Variants in NLRP1 observed in about 807,000 individuals in gnomAD.
The protein encoded by NLRP1 is NLR family pyrin domain containing 1, also known as NACHT, LRR and PYD domains-containing protein 1.
Under a neutral mutation model 136.7 loss-of-function variants are expected in NLRP1, and 94 were observed. The ratio of observed to expected loss-of-function variants is 0.69; its 90% CI spans 0.58 to 0.82. The LOEUF is 0.82. NLRP1 is among the 40% of genes least tolerant of loss of function. The pLI, the probability that NLRP1 is intolerant of heterozygous loss-of-function variation, is 0.00. For missense variants in NLRP1, 1,575 were observed against 1,802.7 expected, an observed-to-expected ratio of 0.87 and a Z score of 2.29; for synonymous variants, 690 against 725.1, an observed-to-expected ratio of 0.95 and a Z score of 0.78.
intron 11 of NLRP1, among the ~76,000 whole-genome samples, chr17:5,532,009 G>A (rs767351260): frequency 3.9e-5 from 6 of 152,212 alleles, no homozygotes; most frequent in Non-Finnish European, 7.3e-5. Context: ...TTGGGAGGCT[G>A]AGGAAGGTGG....
In NLRP1 at chr17:5,517,721, T is replaced by C. The variant is rs7223953; in HGVS notation, c.4057+25A>G. On this transcript the variant is annotated intron_variant, in intron 15 of 16. Transcript: ENST00000572272. ...TTTTCTTTCTCCTCCCACCTCTGAG[T>C]TCTCTGGAATTGTCCTGGATTTACC... 1.2e-3 allele frequency: 1,942 copies of C among 1,613,644 alleles called. 22 individuals are homozygous for C. The African/African-American group carries it at 0.024, about 20-fold the overall frequency.
chr17:5,533,551 GTTTTTTT>G (rs35006823), intron 9 of NLRP1, among the ~76,000 whole-genome samples, 167 bp from the exon 10 acceptor site: 4 of 90,030 alleles, frequency 4.4e-5, no homozygotes, highest in African/African-American at 1.8e-4. Flanking sequence ...GTGAGACTCT[GTTTTTTT>G]TTTTTTTTTT....
intron 4 of NLRP1, among the ~76,000 whole-genome samples, chr17:5,556,040 G>A (rs568654986): frequency 6.6e-6 from 1 of 152,028 alleles, no homozygotes; most frequent in East Asian, 1.9e-4. Flanking sequence ...GTTGCAGTGA[G>A]CAGAGATCGT....
At position 5,515,076 on chromosome 17, in the gene NLRP1, G is replaced by A; in HGVS notation, c.4103-3C>T. ...GGCATCCAGAGGTGAAGGTACGGCT[G>A]GCAACGAACAAAGAAGGGCTCCAAC... On this transcript the variant is annotated splice_polypyrimidine_tract_variant and splice_region_variant and intron_variant, in intron 16 of 16. Transcript: ENST00000572272. 1 of 1,612,900 alleles carries A rather than the reference G, an allele frequency of 6.2e-7. No individual in the cohort carries two copies. Among genetic ancestry groups the A allele is most frequent in the Non-Finnish European group, 8.5e-7 (1 of 1,179,292 alleles).
intron 5 of NLRP1, among the ~76,000 whole-genome samples, chr17:5,547,637 G>A (rs1405481581): frequency 6.6e-6 from 1 of 152,208 alleles, no homozygotes; most frequent in African/African-American, 2.4e-5. Context: ...TTGAAGATTG[G>A]TGTCTTCCTA....
chr17:5,531,447 G>A (rs1021032218), intron 11 of NLRP1, among the ~76,000 whole-genome samples: 1 of 152,104 alleles, frequency 6.6e-6, no homozygotes, highest in Admixed American at 6.6e-5. Context: ...TTGAACTCCT[G>A]GACTCAAGTG....
At chr17:5,542,152 C>G (rs1367096267) in intron 5 of NLRP1, 125 bp from the exon 6 acceptor site, 4 of 815,502 alleles carry the variant, frequency 4.9e-6, no homozygotes, top group Non-Finnish European at 7.6e-6. Context: ...CTAGAAAACC[C>G]TCCCAGGCCC....
chr17:5,530,789 G>A (rs1910139215), intron 11 of NLRP1, 85 bp from the exon 12 acceptor site: 2 of 1,028,380 alleles, frequency 1.9e-6, no homozygotes, highest in Non-Finnish European at 3.0e-6. Context: ...AGGGGCTTGC[G>A]GATACGGTAC....
downstream of NLRP1, chr17:5,511,942 A>G (rs543335270): frequency 1.9e-3 from 770 of 415,018 alleles, 1 homozygote; most frequent in Non-Finnish European, 2.7e-3. Context: ...TATTTACAGT[A>G]TAGTCCTGGC....
rs140677797 is a variant in NLRP1 at position 5,558,406 on chromosome 17, C to T, written c.2290G>A (p.Val764Met). Reference sequence around the variant, plus strand: ...CCCTCAATCAGCTGAAGCTTCTTCACGTGGCGGCTGAATTTAATGCAGAAA... The same window carrying T: ...CCCTCAATCAGCTGAAGCTTCTTCATGTGGCGGCTGAATTTAATGCAGAAA... ...CTFCIKFSRH[V>M]KKLQLIEGRQ... The change falls in exon 4 of 17, where the codon GTG becomes ATG. Residue 764 changes from valine to methionine, a missense_variant. Coordinates refer to ENST00000572272, the MANE Select transcript of NLRP1 (RefSeq NM_033004.4). The T allele has an allele frequency of 6.9e-5, 111 of 1,614,082 alleles. No individual in the cohort carries two copies. Among genetic ancestry groups the T allele is most frequent in the African/African-American group, 2.3e-4 (17 of 74,996 alleles).
chr17:5,548,446 T>G (rs1912945692), intron 5 of NLRP1, among the ~76,000 whole-genome samples: 2 of 152,198 alleles, frequency 1.3e-5, no homozygotes, highest in Admixed American at 6.5e-5. Context: ...TCTTGTGTCT[T>G]TTATCACTCC....
Position 5,539,697 on chromosome 17 carries a change from T to C in NLRP1, c.2700-112A>G, listed in dbSNP as rs556949694. On this transcript the variant is annotated intron_variant, in intron 6 of 16. Transcript: ENST00000572272. ...TCTGTGGCCTTTTGAGGGTCTGGGA[T>C]GACATGCAGAGAAGATACAAACTTT... 74 of 1,417,616 alleles carry C rather than the reference T, an allele frequency of 5.2e-5. No homozygotes were observed. The African/African-American group carries it at 9.3e-4, about 18-fold the overall frequency. The allele number at this position is 1,417,616 out of a possible 1,614,324, so 87.8% of individuals were successfully genotyped here.
Position 5,542,915 on chromosome 17 carries a change from C to T in NLRP1, c.2529-888G>A, listed in dbSNP as rs192974309. On this transcript the variant is annotated intron_variant, in intron 5 of 16. Coordinates refer to ENST00000572272, the MANE Select transcript of NLRP1 (RefSeq NM_033004.4). ...CGTGATCTCGGCTCACTGCAACCTC[C>T]GCGCCCTGGGTTCAAGTGATTCTCC... is the stretch of plus-strand genomic sequence containing the variant. Among the ~76,000 whole-genome samples the T allele has an allele frequency of 2.8e-3, 423 of 152,202 alleles. 3 individuals carry two copies. The highest frequency in any genetic ancestry group is 9.2e-3 in the African/African-American group (382 of 41,530).
chr17:5,575,034 G>A (rs1904868819), intron 3 of NLRP1, among the ~76,000 whole-genome samples: 1 of 152,092 alleles, frequency 6.6e-6, no homozygotes, highest in Admixed American at 6.6e-5. Flanking sequence ...AGCTTCATAA[G>A]TGAAGGAGAA....
chr17:5,503,030 G>T (rs1420176123), intron 15 of NLRP1: 3 of 152,242 alleles, frequency 2.0e-5, no homozygotes, highest in African/African-American at 7.3e-5. Flanking sequence ...GGGTGAAATG[G>T]AATTGTGTGA....
At chr17:5,582,585 T>G in intron 2 of NLRP1, 85 bp downstream of exon 2, 1 of 1,308,736 alleles carries the variant, frequency 7.6e-7, no homozygotes, top group South Asian at 1.3e-5. Context: ...CAGGTCCCCA[T>G]GCACAGACAT....
Position 5,561,426 on chromosome 17 carries a change from G to GTTTT in NLRP1, c.653-1387_653-1384dup, listed in dbSNP as rs61194384. 3.2e-4 allele frequency among the ~76,000 whole-genome samples: 16 copies of GTTTT among 50,408 alleles called. 2 individuals are homozygous for GTTTT. Among genetic ancestry groups the GTTTT allele is most frequent in the African/African-American group, 1.1e-3 (12 of 10,812 alleles). 33.1% of individuals were successfully genotyped at this position (50,408 alleles called of 152,430 possible). On this transcript the variant is annotated intron_variant, in intron 3 of 16. Transcript: ENST00000572272. ...GATAGATCAAAAAGCATGCCATGTG[G>GTTTT]TTTTTTTTTTTTTTTTTTTTTTTTT...
chr17:5,559,501 G>C lies in NLRP1; in HGVS notation c.1195C>G (p.Leu399Val). The change falls in exon 4 of 17, where the codon CTG (leucine) becomes GTG (valine). Residue 399 changes from leucine (L) to valine (V), a missense_variant. Leu to Val is a conservative substitution (Grantham distance 32). Coordinates refer to ENST00000572272, the MANE Select transcript of NLRP1 (RefSeq NM_033004.4). ...TATPAPIRQI[L>V]SRPERLLFIL... is the part of the protein sequence containing the mutation. ...AAGAGCAGCCGCTCTGGCCTAGACAGGATCTGTCTAATGGGAGCCGGAGTG... is the reference window on the plus strand; with the variant it reads ...AAGAGCAGCCGCTCTGGCCTAGACACGATCTGTCTAATGGGAGCCGGAGTG... 1 of 1,614,224 alleles carries C rather than the reference G, an allele frequency of 6.2e-7. No homozygotes were observed. The highest frequency in any genetic ancestry group is 8.5e-7 in the Non-Finnish European group (1 of 1,180,032).
In NLRP1 at chr17:5,537,554, T is replaced by C. The variant is rs1199408518; in HGVS notation, c.2871-614A>G. On this transcript the variant is annotated intron_variant, in intron 7 of 16. Transcript: ENST00000572272. This position sits in a 1 kb window ranked among gnomAD's most constrained non-coding sequence, Gnocchi z 4.5. ...GTCTCTGTGTCCTCCATCTACCACG[T>C]AGGATGAATCAATCCTGCCCTGCCT... is the stretch of plus-strand genomic sequence containing the variant. 6.6e-6 allele frequency among the ~76,000 whole-genome samples: 1 copy of C among 152,146 alleles called. No individual in the cohort carries two copies. Among genetic ancestry groups the C allele is most frequent in the African/African-American group, 2.4e-5 (1 of 41,436 alleles).
Sources: gnomAD v4.1 joint callset for allele counts (sites outside exome capture counted in the v4.1 genomes callset) on GRCh38, gnomAD v4.1.1 for gene constraint, Gnocchi (gnomAD v3.1) non-coding constraint, MANE v1.5 for transcripts, NCBI Gene and HGNC (gene_info 2026-07-23, HGNC 2026-07-21) for gene names.